Variants in TMEM175 observed in about 807,000 individuals in gnomAD.
TMEM175 encodes transmembrane protein 175.
A neutral mutation model predicts 36.5 loss-of-function variants in TMEM175; 36 were observed. That is an observed-to-expected ratio of 0.99 (90% CI 0.76 to 1.30). The LOEUF is 1.30. TMEM175 is among the 50% of genes most tolerant of loss of function. The pLI is 0.00. For missense variants in TMEM175, 705 were observed against 692.8 expected (o/e 1.02, Z -0.20); for synonymous variants, 339 against 313.4 (o/e 1.08, Z -0.86).
Position 958,588 on chromosome 4 carries a change from G to T in TMEM175, c.*92G>T. On this transcript the variant is annotated 3_prime_UTR_variant, in exon 11 of 11. Transcript: ENST00000264771. Reference sequence around the variant, plus strand: ...GGGGAAGCCAAGTCACGGGCAGGCCGCAGTGGTTCTTGCGTGGCCTGGTTT... The same window carrying T: ...GGGGAAGCCAAGTCACGGGCAGGCCTCAGTGGTTCTTGCGTGGCCTGGTTT... 9.2e-7 allele frequency: 1 copy of T among 1,085,196 alleles called. No homozygotes were observed. 67.2% of individuals were successfully genotyped at this position (1,085,196 alleles called of 1,614,324 possible). A position where few individuals can be genotyped will look rare whatever the true frequency, so the allele number is the denominator to read the frequency against.
rs562231724 is a variant in TMEM175, at chr4:948,369, G to A, written c.192+215G>A. On this transcript the variant is annotated intron_variant, in intron 3 of 10. Coordinates refer to ENST00000264771, the MANE Select transcript of TMEM175 (RefSeq NM_032326.4). The stretch of plus-strand genomic sequence containing the variant: ...CGGCGGAGGTCCTGGCCTCCTGGGA[G>A]GGTGGGAGACTGGGCTCCTAGGGCT... The A allele has an allele frequency of 9.1e-6, 14 of 1,532,854 alleles. No homozygotes were observed. In the East Asian group the frequency reaches 2.5e-4, roughly 27 times the overall value. The allele number at this position is 1,532,854 out of a possible 1,614,324, so 95.0% of individuals were successfully genotyped here. A position where few individuals can be genotyped will look rare whatever the true frequency, so the allele number is the denominator to read the frequency against.
rs1729923861 is a variant in TMEM175 at position 957,856 on chromosome 4, A to C, written c.875A>C (p.Lys292Thr). 6.2e-7 allele frequency: 1 copy of C among 1,612,058 alleles called. No individual in the cohort carries two copies. The highest frequency in any genetic ancestry group is 8.5e-7 in the Non-Finnish European group (1 of 1,179,614). ...EDNVPDPKDV[K>T]ERFSGSLVAA... ...AACGTCCCGGACCCCAAGGATGTGA[A>C]GGAGAGGTTCAGCGGCAGCCTCGTG... The change falls in exon 11 of 11, where the codon AAG becomes ACG. Residue 292 changes from lysine to threonine, a missense_variant. Transcript: ENST00000264771.
rs774721093 is a variant in TMEM175, at chr4:958,444, C to G, written c.1463C>G (p.Ala488Gly). The G allele has an allele frequency of 2.2e-4, 344 of 1,587,074 alleles. No individual in the cohort carries two copies. The highest frequency in any genetic ancestry group is 2.7e-4 in the Non-Finnish European group (312 of 1,172,834). ...GCCCGGCCCGAACACCCCCCGCCAG[C>G]CCCCACGGGCCAGGACGACCCACAG... ...GLARPEHPPPAPTGQDDPQSQ... is the reference protein window; with the variant it reads ...GLARPEHPPPGPTGQDDPQSQ... The change falls in exon 11 of 11, where the codon GCC becomes GGC. Residue 488 changes from alanine to glycine, a missense_variant. Transcript: ENST00000264771.
intron 1 of TMEM175, among the ~76,000 whole-genome samples, chr4:944,122 G>A (rs1727847023): frequency 1.3e-5 from 2 of 152,176 alleles, no homozygotes; most frequent in South Asian, 4.1e-4. Context: ...GTGAAACCCT[G>A]TCTGTACTAA....
At position 932,652 on chromosome 4, in the gene TMEM175, A is replaced by G. The variant is rs963943991; in HGVS notation, c.-32+112A>G. On this transcript the variant is annotated intron_variant, in intron 1 of 10. Transcript: ENST00000264771. The surrounding 1 kb of genome is among the most constrained non-coding windows in gnomAD (Gnocchi z 4.0). ...AAGCGCTTCGCCATCCTCTGGGTGG[A>G]GTCAGCCTCCCGTTTGCTGTTAGCG... is the stretch of plus-strand genomic sequence containing the variant. The G allele has an allele frequency of 1.8e-5, 6 of 330,080 alleles. No individual in the cohort carries two copies. Among genetic ancestry groups the G allele is most frequent in the Admixed American group, 1.5e-4 (3 of 20,402 alleles). The allele number at this position is 330,080 out of a possible 1,614,324, so 20.4% of individuals were successfully genotyped here. A position where few individuals can be genotyped will look rare whatever the true frequency, so the allele number is the denominator to read the frequency against.
chr4:934,737 T>C (rs1726603268), intron 1 of TMEM175, among the ~76,000 whole-genome samples: 1 of 152,222 alleles, frequency 6.6e-6, no homozygotes, highest in African/African-American at 2.4e-5. Flanking sequence ...AGAGAAGGTT[T>C]GCTGGTACAG....
Position 958,328 on chromosome 4 carries a change from C to T in TMEM175, c.1347C>T (p.His449=), listed in dbSNP as rs1471447556. 8.1e-6 allele frequency: 13 copies of T among 1,605,194 alleles called. No homozygotes were observed. The highest frequency in any genetic ancestry group is 1.1e-5 in the Non-Finnish European group (13 of 1,179,852). Residue 449 remains histidine, a synonymous_variant, in exon 11 of 11, where the codon CAC becomes CAT. Transcript: ENST00000264771. ...LLSRFSVGIF[H]LMQIAVPCAF... is the part of the protein sequence containing the mutation. The stretch of plus-strand genomic sequence containing the variant: ...GCAGGTTCAGTGTGGGCATCTTCCA[C>T]CTCATGCAGATCGCCGTGCCCTGCG...
At chr4:943,266 T>G (rs759472853) in intron 1 of TMEM175, among the ~76,000 whole-genome samples, 1 of 152,236 alleles carries the variant, frequency 6.6e-6, no homozygotes, top group African/African-American at 2.4e-5. Flanking sequence ...TACTATTTTT[T>G]TCCTAGACGG....
intron 10 of TMEM175, chr4:956,724 G>A: frequency 9.1e-6 from 3 of 331,378 alleles, no homozygotes; most frequent in East Asian, 8.8e-5. Context: ...GATTACAGGT[G>A]TAAGCCACCG....
rs1021668568 is a variant in TMEM175 at position 948,703 on chromosome 4, T to A, written c.192+549T>A. The A allele has an allele frequency of 6.7e-6, 8 of 1,191,484 alleles. No individual in the cohort carries two copies. In the African/African-American group the frequency reaches 1.3e-4, roughly 19 times the overall value. 73.8% of individuals were successfully genotyped at this position (1,191,484 alleles called of 1,614,324 possible). A position where few individuals can be genotyped will look rare whatever the true frequency, so the allele number is the denominator to read the frequency against. The stretch of plus-strand genomic sequence containing the variant: ...AACAGCATCTTAGAAGGGGAATGAC[T>A]GGAGGGCGTCTGGGGCCCACACCTG... On this transcript the variant is annotated intron_variant, in intron 3 of 10. Transcript: ENST00000264771.
intron 10 of TMEM175, 46 bp downstream of exon 10, chr4:955,936 G>A: frequency 6.3e-7 from 1 of 1,597,336 alleles, no homozygotes; most frequent in Middle Eastern, 1.7e-4. Flanking sequence ...TGGCCAATGT[G>A]TCTTGAGTCC....
Position 946,990 on chromosome 4 carries a change from G to A in TMEM175, c.-31-719G>A, listed in dbSNP as rs550876453. Among the ~76,000 whole-genome samples, 9 of 137,224 alleles carry A rather than the reference G, an allele frequency of 6.6e-5. No individual in the cohort carries two copies. In the South Asian group the frequency reaches 7.2e-4, roughly 11 times the overall value. The allele number at this position is 137,224 out of a possible 152,430, so 90.0% of individuals were successfully genotyped here. A position where few individuals can be genotyped will look rare whatever the true frequency, so the allele number is the denominator to read the frequency against. On this transcript the variant is annotated intron_variant, in intron 1 of 10. Transcript: ENST00000264771. The stretch of plus-strand genomic sequence containing the variant: ...CAGCCCCAGGCACGCGTGCACAGGC[G>A]CCGAGACCGAGGGAGAGCGCGGCCC...
chr4:951,181 GTCTA>G (rs1424672750), intron 4 of TMEM175, 22 bp from the exon 5 acceptor site: 24 of 1,612,342 alleles, frequency 1.5e-5, no homozygotes, highest in Non-Finnish European at 2.0e-5. Flanking sequence ...GCGTTTTATT[GTCTA>G]TCTTTTTCTT....
At chr4:951,292 C>T in intron 5 of TMEM175, 34 bp downstream of exon 5, 1 of 1,612,552 alleles carries the variant, frequency 6.2e-7, no homozygotes, top group Non-Finnish European at 8.5e-7. Context: ...TGGGGAGTGA[C>T]TCTGGTCTGT....
At chr4:949,342 T>C (rs1277833689) in intron 3 of TMEM175, among the ~76,000 whole-genome samples, 1 of 152,176 alleles carries the variant, frequency 6.6e-6, no homozygotes, top group African/African-American at 2.4e-5. Flanking sequence ...TTCTCTGTTG[T>C]CCTAACTGGG....
chr4:942,223 T>C (rs1205885436), intron 1 of TMEM175, among the ~76,000 whole-genome samples: 1 of 151,926 alleles, frequency 6.6e-6, no homozygotes, highest in Non-Finnish European at 1.5e-5. Context: ...CGTGCAACCA[T>C]GCCCAGCTAA....
In TMEM175 at chr4:940,983, G is replaced by A. The variant is rs183736085; in HGVS notation, c.-31-6726G>A. On this transcript the variant is annotated intron_variant, in intron 1 of 10. Coordinates refer to ENST00000264771, the MANE Select transcript of TMEM175 (RefSeq NM_032326.4). Reference sequence around the variant, plus strand: ...ATTGTGCCACTGCACTCCAGCCTGGGTGACAGAGTGAGACTCCGTCTCAAA... The same window carrying A: ...ATTGTGCCACTGCACTCCAGCCTGGATGACAGAGTGAGACTCCGTCTCAAA... 7.4e-3 allele frequency among the ~76,000 whole-genome samples: 1,104 copies of A among 149,274 alleles called. 13 individuals carry two copies. Among genetic ancestry groups the A allele is most frequent in the African/African-American group, 0.024 (991 of 40,476 alleles).
intron 1 of TMEM175, among the ~76,000 whole-genome samples, chr4:942,636 CT>C (rs879382397): frequency 0.039 from 5,417 of 137,614 alleles, 112 homozygotes; most frequent in East Asian, 0.16. Context: ...CTTGAATTTT[CT>C]TTTTTTTTTT....
At chr4:935,473 G>A (rs1011967485) in intron 1 of TMEM175, among the ~76,000 whole-genome samples, 15 of 151,584 alleles carry the variant, frequency 9.9e-5, no homozygotes, top group African/African-American at 3.1e-4. Flanking sequence ...TCATCGAAAA[G>A]ACTTGATAAT....
Sources: gnomAD v4.1 joint callset for allele counts (sites outside exome capture counted in the v4.1 genomes callset) on GRCh38, gnomAD v4.1.1 for gene constraint, Gnocchi (gnomAD v3.1) non-coding constraint, MANE v1.5 for transcripts, NCBI Gene and HGNC (gene_info 2026-07-23, HGNC 2026-07-21) for gene names.